The following KRABD3 variants were observed in gnomAD, a reference collection of about 807,000 sequenced individuals.
The protein encoded by KRABD3 is KRAB domain-containing protein 3.
At chr7:149,723,880 G>A in the KRABD3 span, 1 of 1,613,430 alleles carries the variant, frequency 6.2e-7, no homozygotes, top group Non-Finnish European at 8.5e-7. Flanking sequence ...CTGGAAAAGG[G>A]GTTCTGGAGG....
At chr7:149,716,898 A>G in the KRABD3 span, among the ~76,000 whole-genome samples, 1 of 152,168 alleles carries the variant, frequency 6.6e-6, no homozygotes, top group East Asian at 1.9e-4. Context: ...CAATACCTCT[A>G]TGAGGTAGGT....
the KRABD3 span, chr7:149,721,479 G>A: frequency 1.2e-6 from 2 of 1,612,942 alleles, no homozygotes; most frequent in Admixed American, 1.7e-5. Context: ...CCCACCGACA[G>A]CTCGTGTTCC....
chr7:149,731,842 A>G, the KRABD3 span: 1 of 1,213,796 alleles, frequency 8.2e-7, no homozygotes, highest in African/African-American at 1.5e-5. Context: ...CTTGGGGAAA[A>G]CAGCCTTCCA....
At chr7:149,727,200 C>T in the KRABD3 span, among the ~76,000 whole-genome samples, 2 of 152,298 alleles carry the variant, frequency 1.3e-5, no homozygotes, top group South Asian at 4.1e-4. Context: ...CGACACCACT[C>T]CCTCCGTGCT....
At chr7:149,733,619 C>A in the KRABD3 span, 1 of 1,593,548 alleles carries the variant, frequency 6.3e-7, no homozygotes, top group South Asian at 1.1e-5. Context: ...AAAGATCCTG[C>A]GTGGCCAGGG....
At chr7:149,733,479 C>T in the KRABD3 span, 2 of 1,580,854 alleles carry the variant, frequency 1.3e-6, no homozygotes, top group Non-Finnish European at 1.7e-6. Context: ...GGGAGGCGCC[C>T]CCAAGGCCCT....
At chr7:149,723,272 T>TGGGCTC in the KRABD3 span, among the ~76,000 whole-genome samples, 1 of 152,184 alleles carries the variant, frequency 6.6e-6, no homozygotes, top group Admixed American at 6.5e-5. Flanking sequence ...GGGGTGGGCT[T>TGGGCTC]GGGCTCTGGA....
At chr7:149,722,403 T>C in the KRABD3 span, 1 of 1,594,718 alleles carries the variant, frequency 6.3e-7, no homozygotes, top group Non-Finnish European at 8.5e-7. Context: ...AAAGGCCCTC[T>C]TGTCTTCTCC....
At chr7:149,733,057 C>A in the KRABD3 span, 1 of 888,146 alleles carries the variant, frequency 1.1e-6, no homozygotes, top group Non-Finnish European at 1.7e-6. Context: ...TTGGCATCTG[C>A]GTTCTCAGGC....
the KRABD3 span, among the ~76,000 whole-genome samples, chr7:149,719,842 G>T: frequency 2.0e-5 from 3 of 152,146 alleles, no homozygotes; most frequent in Non-Finnish European, 4.4e-5. The surrounding 1 kb of genome is among the most constrained non-coding windows in gnomAD (Gnocchi z 5.6). Flanking sequence ...GTACAATTCG[G>T]TGGGGGTATG....
At chr7:149,719,393 C>T in the KRABD3 span, 9 of 726,276 alleles carry the variant, frequency 1.2e-5, no homozygotes, top group Non-Finnish European at 1.7e-5. This position sits in a 1 kb window ranked among gnomAD's most constrained non-coding sequence, Gnocchi z 5.6. Context: ...TCACCCCCAG[C>T]ACTGTCTCTT....
At chr7:149,733,876 C>T in the KRABD3 span, 1 of 1,592,326 alleles carries the variant, frequency 6.3e-7, no homozygotes, top group African/African-American at 1.3e-5. Flanking sequence ...TGCAGGGAGC[C>T]TCTCCTCCTG....
chr7:149,715,363 A>G, the KRABD3 span: 4 of 1,158,822 alleles, frequency 3.5e-6, no homozygotes, highest in Non-Finnish European at 4.3e-6. Flanking sequence ...AGTAAATCTC[A>G]TACTTCTGTT....
At chr7:149,728,526 G>A in the KRABD3 span, 1 of 1,613,122 alleles carries the variant, frequency 6.2e-7, no homozygotes, top group Non-Finnish European at 8.5e-7. Context: ...TTCACAGGAA[G>A]CCCACCAGGA....
the KRABD3 span, among the ~76,000 whole-genome samples, chr7:149,719,055 A>G: frequency 6.6e-6 from 1 of 152,188 alleles, no homozygotes; most frequent in Non-Finnish European, 1.5e-5. The surrounding 1 kb of genome is among the most constrained non-coding windows in gnomAD (Gnocchi z 5.6). Flanking sequence ...CCGAAGCCCT[A>G]CGTCACAGTG....
At chr7:149,720,902 C>A in the KRABD3 span, 1 of 1,612,622 alleles carries the variant, frequency 6.2e-7, no homozygotes, top group Non-Finnish European at 8.5e-7. Flanking sequence ...TCCCAGAGTT[C>A]TTGTTTGGAG....
At chr7:149,727,229 C>CTG in the KRABD3 span, among the ~76,000 whole-genome samples, 1 of 152,196 alleles carries the variant, frequency 6.6e-6, no homozygotes, top group Admixed American at 6.5e-5. Context: ...TCCTGACTGC[C>CTG]AATGTATTTA....
At chr7:149,720,860 C>T in the KRABD3 span, 4 of 1,600,864 alleles carry the variant, frequency 2.5e-6, no homozygotes, top group African/African-American at 1.3e-5. Context: ...ACAGCCTGCA[C>T]CTCACAGCCC....
At chr7:149,725,820 C>A in the KRABD3 span, 3 of 1,403,644 alleles carry the variant, frequency 2.1e-6, no homozygotes, top group Non-Finnish European at 2.8e-6. Context: ...TGCCCGTGCA[C>A]CCCATGGCCC....
Sources: gnomAD v4.1 joint callset for allele counts (sites outside exome capture counted in the v4.1 genomes callset) on GRCh38, gnomAD v4.1.1 for gene constraint, Gnocchi (gnomAD v3.1) non-coding constraint, MANE v1.5 for transcripts, NCBI Gene and HGNC (gene_info 2026-07-23, HGNC 2026-07-21) for gene names.